GFRAL: variants seen among roughly 807,000 people sequenced by gnomAD.
The protein encoded by GFRAL is GDNF family receptor alpha like, also known as GDNF family receptor alpha-like.
In GFRAL, 36 loss-of-function variants were observed where a neutral mutation model predicts 45.4. That is an observed-to-expected ratio of 0.79 (90% CI 0.61 to 1.05). GFRAL has a LOEUF of 1.05. Among genes scored for constraint, GFRAL ranks in the 50% least tolerant of loss-of-function variants. GFRAL has a pLI of 0.00. For synonymous variants in GFRAL, 166 were observed against 154.1 expected (o/e 1.08, Z -0.57); for missense variants, 507 against 467.5 (o/e 1.08, Z -0.78).
At chr6:55,379,388 T>C (rs1270990339) in intron 6 of GFRAL, among the ~76,000 whole-genome samples, 1 of 151,938 alleles carries the variant, frequency 6.6e-6, no homozygotes, top group African/African-American at 2.4e-5. Context: ...ACCATTATGT[T>C]GATTTGGATT....
chr6:55,327,568 T>C lies in GFRAL; in HGVS notation c.14T>C (p.Ile5Thr). 1 of 1,612,928 alleles carries C rather than the reference T, an allele frequency of 6.2e-7. No individual in the cohort carries two copies. The highest frequency in any genetic ancestry group is 2.2e-5 in the East Asian group (1 of 44,840). The change falls in exon 1 of 9, where the codon ATT (isoleucine) becomes ACT (threonine). Residue 5 changes from isoleucine (I) to threonine (T), a missense_variant. Coordinates refer to ENST00000340465, the MANE Select transcript of GFRAL (RefSeq NM_207410.2). The part of the protein sequence containing the change: MIVF[I>T]FLAMGLSLEN... ...GAGTTGTCCAGCATGATAGTGTTTA[T>C]TTTCTTGGGTAAGTGAATGGTGCTT... is the stretch of plus-strand genomic sequence containing the variant.
At chr6:55,346,841 C>CG (rs201074401) in intron 3 of GFRAL, among the ~76,000 whole-genome samples, 1 of 76,342 alleles carries the variant, frequency 1.3e-5, no homozygotes, top group Non-Finnish European at 3.0e-5. Flanking sequence ...TCCCCCCCCC[C>CG]CAAAAAAAAG....
At chr6:55,346,432 A>T (rs1333760646) in intron 3 of GFRAL, among the ~76,000 whole-genome samples, 1 of 152,120 alleles carries the variant, frequency 6.6e-6, no homozygotes, top group African/African-American at 2.4e-5. Flanking sequence ...TCAGCAAACT[A>T]TCCCAAAGAC....
At chr6:55,336,325 AC>A (rs1218350656) in intron 3 of GFRAL, among the ~76,000 whole-genome samples, 1 of 152,194 alleles carries the variant, frequency 6.6e-6, no homozygotes, top group Non-Finnish European at 1.5e-5. Context: ...GACTGAACTT[AC>A]CTTGAAATTA....
intron 6 of GFRAL, among the ~76,000 whole-genome samples, chr6:55,368,270 C>T (rs1470720723): frequency 2.0e-5 from 3 of 150,392 alleles, no homozygotes; most frequent in Non-Finnish European, 4.4e-5. Flanking sequence ...ACGTAGTTCT[C>T]GAGCCTTGGT....
intron 3 of GFRAL, among the ~76,000 whole-genome samples, chr6:55,349,410 A>T (rs938368739): frequency 6.6e-6 from 1 of 152,072 alleles, no homozygotes; most frequent in Non-Finnish European, 1.5e-5. Flanking sequence ...TGGATACATT[A>T]GTGCTCCTTA....
intron 6 of GFRAL, among the ~76,000 whole-genome samples, chr6:55,380,822 C>T (rs190796141): frequency 4.6e-4 from 70 of 152,068 alleles, no homozygotes; most frequent in Non-Finnish European, 9.1e-4. Context: ...CAGCACTGTT[C>T]TTGAATTCAA....
intron 6 of GFRAL, among the ~76,000 whole-genome samples, chr6:55,384,039 A>G (rs1309158629): frequency 6.6e-6 from 1 of 152,068 alleles, no homozygotes; most frequent in Non-Finnish European, 1.5e-5. Context: ...TCAATGGAAC[A>G]AAAGATCTCA....
At chr6:55,334,289 T>C (rs1328531246) in intron 3 of GFRAL, among the ~76,000 whole-genome samples, 1 of 152,212 alleles carries the variant, frequency 6.6e-6, no homozygotes, top group Non-Finnish European at 1.5e-5. Context: ...GAGTTTATTG[T>C]GGCCTTGCAC....
intron 4 of GFRAL, among the ~76,000 whole-genome samples, 189 bp downstream of exon 4, chr6:55,350,334 C>A (rs534754777): frequency 6.6e-6 from 1 of 151,962 alleles, no homozygotes; most frequent in East Asian, 1.9e-4. Flanking sequence ...CTACTTTGCC[C>A]ATCCATTATC....
At chr6:55,369,224 C>T (rs1253777499) in intron 6 of GFRAL, among the ~76,000 whole-genome samples, 1 of 152,168 alleles carries the variant, frequency 6.6e-6, no homozygotes, top group Non-Finnish European at 1.5e-5. Flanking sequence ...GTCCGTCACC[C>T]CTTTCTTTGA....
intron 3 of GFRAL, among the ~76,000 whole-genome samples, chr6:55,335,279 A>G (rs1424076377): frequency 1.3e-5 from 2 of 152,072 alleles, no homozygotes; most frequent in Non-Finnish European, 2.9e-5. Flanking sequence ...TATTTGGTAA[A>G]GTATTTCTTC....
chr6:55,392,827 AC>A (rs1768771683), intron 6 of GFRAL, among the ~76,000 whole-genome samples: 1 of 152,154 alleles, frequency 6.6e-6, no homozygotes, highest in Admixed American at 6.5e-5. Flanking sequence ...CTTCCATGAC[AC>A]AAGTTCACCT....
intron 1 of GFRAL, 28 bp from the exon 2 acceptor site, chr6:55,331,686 CA>C (rs1562046484): frequency 6.3e-7 from 1 of 1,584,556 alleles, no homozygotes; most frequent in South Asian, 1.2e-5. Context: ...ATTTATATTA[CA>C]ACCTTGTTTT....
At chr6:55,366,444 G>A (rs1001115217) in intron 6 of GFRAL, among the ~76,000 whole-genome samples, 3 of 144,636 alleles carry the variant, frequency 2.1e-5, no homozygotes, top group Non-Finnish European at 4.6e-5. Flanking sequence ...ATTTCCTTCA[G>A]TTCTGCTCTG....
intron 3 of GFRAL, among the ~76,000 whole-genome samples, chr6:55,342,340 A>G (rs1581902332): frequency 6.6e-6 from 1 of 152,250 alleles, no homozygotes; most frequent in Non-Finnish European, 1.5e-5. Context: ...CAGAAACTCT[A>G]CAAGCCAGAA....
At chr6:55,333,703 A>T in intron 2 of GFRAL, 83 bp from the exon 3 acceptor site, 4 of 757,782 alleles carry the variant, frequency 5.3e-6, no homozygotes, top group Non-Finnish European at 7.9e-6. Context: ...TATTCAGGTT[A>T]ATATGTTAAA....
chr6:55,329,850 A>T (rs1194956552), intron 1 of GFRAL, among the ~76,000 whole-genome samples: 14 of 147,386 alleles, frequency 9.5e-5, no homozygotes, highest in South Asian at 8.5e-4. Context: ...GGTAAGATTT[A>T]AAAAAAAAAG....
chr6:55,341,179 T>C (rs574654434), intron 3 of GFRAL, among the ~76,000 whole-genome samples: 1 of 152,222 alleles, frequency 6.6e-6, no homozygotes, highest in East Asian at 1.9e-4. Context: ...AGAATAGTGG[T>C]TCTCGCAGCA....
Sources: allele counts gnomAD v4.1 joint callset (sites outside exome capture counted in the v4.1 genomes callset), GRCh38; gene constraint gnomAD v4.1.1; transcripts MANE v1.5; gene names NCBI Gene and HGNC (gene_info 2026-07-23, HGNC 2026-07-21).